Variants in DAP observed in about 807,000 individuals in gnomAD.
DAP encodes the protein death associated protein, also known as death-associated protein 1.
A neutral mutation model predicts 13.8 loss-of-function variants in DAP; 8 were observed. The ratio of observed to expected loss-of-function variants is 0.58; its 90% confidence interval spans 0.34 to 1.05. The LOEUF is 1.05. DAP is among the 50% of genes least tolerant of loss of function. The pLI, the probability that DAP is intolerant of heterozygous loss-of-function variation, is 0.03. For synonymous variants in DAP, 47 were observed against 47.5 expected, an observed-to-expected ratio of 0.99 and a Z score of 0.04; for missense variants, 106 against 133.2, an observed-to-expected ratio of 0.80 and a Z score of 1.01.
chr5:10,699,607 T>G (rs900240589), intron 2 of DAP, among the ~76,000 whole-genome samples: 1 of 152,204 alleles, frequency 6.6e-6, no homozygotes, highest in African/African-American at 2.4e-5. Flanking sequence ...ATGTCCTTAT[T>G]GACAGGAAGG....
intron 2 of DAP, among the ~76,000 whole-genome samples, chr5:10,721,889 C>G (rs1342713980): frequency 6.6e-6 from 1 of 152,154 alleles, no homozygotes; most frequent in Admixed American, 6.5e-5. Context: ...ATTGTATTTC[C>G]TTTTCCTTTA....
intron 2 of DAP, among the ~76,000 whole-genome samples, 164 bp from the exon 3 acceptor site, chr5:10,683,735 G>A (rs915651057): frequency 2.6e-5 from 4 of 152,212 alleles, no homozygotes; most frequent in African/African-American, 9.6e-5. Flanking sequence ...ACACTACGGG[G>A]CTCGGGAGCC....
rs1738717505 is a variant in DAP, at chr5:10,707,149, C to T, written c.153-23578G>A. On this transcript the variant is annotated intron_variant, in intron 2 of 3. Transcript: ENST00000230895. The surrounding 1 kb of genome is among the most constrained non-coding windows in gnomAD (Gnocchi z 4.0). ...TGTCAAATGAATAATGAAAACTCAACTGGGCATTTACATTTAAGCCAAGTG... is the reference window on the plus strand; with the variant it reads ...TGTCAAATGAATAATGAAAACTCAATTGGGCATTTACATTTAAGCCAAGTG... Among the ~76,000 whole-genome samples, 1 of 152,216 alleles carries T rather than the reference C, an allele frequency of 6.6e-6. No homozygotes were observed. Among genetic ancestry groups the T allele is most frequent in the African/African-American group, 2.4e-5 (1 of 41,452 alleles).
chr5:10,730,411 CG>C (rs1345101061), intron 2 of DAP, among the ~76,000 whole-genome samples: 1 of 150,840 alleles, frequency 6.6e-6, no homozygotes, highest in South Asian at 2.1e-4. Context: ...CTGAGAGCCC[CG>C]GTGGGGGGGA....
At chr5:10,733,795 T>A (rs926988055) in intron 2 of DAP, 1 of 152,262 alleles carries the variant, frequency 6.6e-6, no homozygotes, top group African/African-American at 2.4e-5. Flanking sequence ...AATTGACTAT[T>A]TTATCTTTAG....
intron 2 of DAP, among the ~76,000 whole-genome samples, chr5:10,743,649 T>C (rs1561031925): frequency 6.6e-6 from 1 of 152,186 alleles, no homozygotes; most frequent in Non-Finnish European, 1.5e-5. Context: ...ACTCCTAAAG[T>C]CCATTCTATG....
rs182856213 is a variant in DAP at position 10,710,450 on chromosome 5, C to A, written c.153-26879G>T. On this transcript the variant is annotated intron_variant, in intron 2 of 3. Coordinates refer to ENST00000230895, the MANE Select transcript of DAP (RefSeq NM_004394.3). ...CCTCCTGGGAAACGTGTCCACAGCC[C>A]CAATACGGACAGAACCATGAGGGGG... Among the ~76,000 whole-genome samples, 157 of 152,306 alleles carry A rather than the reference C, an allele frequency of 1.0e-3. 2 individuals carry two copies. The highest frequency in any genetic ancestry group is 2.2e-4 in the Non-Finnish European group (15 of 68,022).
intron 2 of DAP, among the ~76,000 whole-genome samples, chr5:10,704,008 T>C (rs1351560392): frequency 1.3e-5 from 2 of 152,226 alleles, no homozygotes; most frequent in Admixed American, 6.5e-5. Flanking sequence ...ACCTCTTGCC[T>C]GAACCTGGGA....
intron 2 of DAP, among the ~76,000 whole-genome samples, chr5:10,738,525 A>G (rs1739673046): frequency 6.6e-6 from 1 of 152,254 alleles, no homozygotes. Context: ...ACCTGAATCC[A>G]ATCATGAAGG....
intron 2 of DAP, among the ~76,000 whole-genome samples, chr5:10,727,454 C>G (rs1344959693): frequency 6.6e-6 from 1 of 152,150 alleles, no homozygotes; most frequent in Non-Finnish European, 1.5e-5. Context: ...GAGTGCCAGG[C>G]AGGAAGCCCT....
intron 2 of DAP, among the ~76,000 whole-genome samples, chr5:10,693,087 C>T (rs55816269): frequency 0.042 from 6,309 of 151,544 alleles, 197 homozygotes; most frequent in South Asian, 0.081. Flanking sequence ...TTAGTTACCA[C>T]GAAGGTGAAT....
chr5:10,731,242 T>C (rs576425966), intron 2 of DAP, among the ~76,000 whole-genome samples: 10 of 147,026 alleles, frequency 6.8e-5, no homozygotes, highest in South Asian at 6.8e-4. Flanking sequence ...GGGGGGAATC[T>C]TTCTGTACTG....
intron 2 of DAP, among the ~76,000 whole-genome samples, chr5:10,689,223 G>A (rs1738236356): frequency 6.6e-6 from 1 of 152,120 alleles, no homozygotes; most frequent in South Asian, 2.1e-4. Context: ...ACCAGCCTCT[G>A]ACTCCCAGGG....
At chr5:10,686,222 CCTT>C (rs1738151697) in intron 2 of DAP, among the ~76,000 whole-genome samples, 1 of 152,250 alleles carries the variant, frequency 6.6e-6, no homozygotes, top group Non-Finnish European at 1.5e-5. Flanking sequence ...CTGTCTCTCT[CCTT>C]CTCTTCAGGC....
intron 2 of DAP, among the ~76,000 whole-genome samples, chr5:10,717,362 T>C (rs1004868782): frequency 2.6e-5 from 4 of 152,172 alleles, no homozygotes; most frequent in African/African-American, 9.7e-5. Context: ...TCGCCAGGTG[T>C]CTACTGTTAA....
At chr5:10,690,051 G>GAAAGA (rs1738267537) in intron 2 of DAP, among the ~76,000 whole-genome samples, 2 of 152,170 alleles carry the variant, frequency 1.3e-5, no homozygotes, top group South Asian at 2.1e-4. Context: ...ATAAGGCACT[G>GAAAGA]AAAGAAAAGA....
chr5:10,730,580 G>C (rs1739426348), intron 2 of DAP, among the ~76,000 whole-genome samples: 1 of 149,476 alleles, frequency 6.7e-6, no homozygotes, highest in African/African-American at 2.5e-5. Context: ...GCCCGGGTCA[G>C]GGGGAATCTT....
Position 10,761,204 on chromosome 5 carries a change from C to A in DAP, c.-136G>T. ...GACGCGCGCGCGTGGGGCGCCGGGG[C>A]CGCGCGAGCCGGGTGAGTGCCACTG... On this transcript the variant is annotated 5_prime_UTR_variant, in exon 1 of 4. Transcript: ENST00000230895. 1 of 320,388 alleles carries A rather than the reference C, an allele frequency of 3.1e-6. No homozygotes were observed. Among genetic ancestry groups the A allele is most frequent in the South Asian group, 1.3e-4 (1 of 7,838 alleles). 19.8% of individuals were successfully genotyped at this position (320,388 alleles called of 1,614,324 possible). A position where few individuals can be genotyped will look rare whatever the true frequency, so the allele number is the denominator to read the frequency against.
intron 1 of DAP, among the ~76,000 whole-genome samples, chr5:10,760,480 GA>G (rs139357578): frequency 0.058 from 8,779 of 150,074 alleles, 285 homozygotes; most frequent in Middle Eastern, 0.093. Flanking sequence ...AACTTTGGGG[GA>G]AAAAAAAAAT....
Sources: gnomAD v4.1 joint callset for allele counts (sites outside exome capture counted in the v4.1 genomes callset) on GRCh38, gnomAD v4.1.1 for gene constraint, Gnocchi (gnomAD v3.1) non-coding constraint, MANE v1.5 for transcripts, NCBI Gene and HGNC (gene_info 2026-07-23, HGNC 2026-07-21) for gene names.